Variants in FBXL13 observed in about 807,000 individuals in gnomAD.
FBXL13 encodes F-box and leucine-rich repeat protein 13.
FBXL13 carries 67 observed loss-of-function variants against 83.6 expected under a neutral mutation model. The ratio of observed to expected loss-of-function variants is 0.80; its 90% CI spans 0.66 to 0.98. The LOEUF (loss-of-function observed/expected upper bound fraction) is 0.98. Ranked by LOEUF, FBXL13 falls within the 50% of genes least tolerant of loss-of-function variation. FBXL13 has a pLI of 0.00. For synonymous variants in FBXL13, 272 were observed against 299.5 expected, an observed-to-expected ratio of 0.91 and a Z score of 0.95; for missense variants, 822 against 866.5, an observed-to-expected ratio of 0.95 and a Z score of 0.64.
chr7:102,822,775 T>C (rs916203079), intron 18 of FBXL13, among the ~76,000 whole-genome samples: 2 of 152,166 alleles, frequency 1.3e-5, no homozygotes, highest in Non-Finnish European at 2.9e-5. Context: ...GTAGCACCAA[T>C]AGAAATTATG....
At chr7:103,055,654 T>C (rs945918269) in exon 2 of FBXL13, 1 of 1,262,530 alleles carries the variant, frequency 7.9e-7, no homozygotes, top group African/African-American at 1.5e-5. Flanking sequence ...CAAAGAAGAT[T>C]CTGAAGACCA....
intron 14 of FBXL13, among the ~76,000 whole-genome samples, chr7:102,881,086 A>G (rs1809989206): frequency 6.6e-6 from 1 of 152,194 alleles, no homozygotes. Flanking sequence ...ACGGATCTGA[A>G]TATTTTTGGC....
rs184647050 is a variant in FBXL13 at position 102,977,877 on chromosome 7, C to T, written c.496-9760G>A. The stretch of plus-strand genomic sequence containing the variant: ...AAACCAAACACTGCATATTCTCACT[C>T]ATAGGTGGGAATTGAACAATGAGAA... On this transcript the variant is annotated intron_variant, in intron 6 of 19. Coordinates refer to ENST00000313221, the Ensembl canonical transcript of FBXL13. Among the ~76,000 whole-genome samples, 4 of 152,088 alleles carry T rather than the reference C, an allele frequency of 2.6e-5. No homozygotes were observed. In the East Asian group the frequency reaches 7.7e-4, roughly 29 times the overall value.
At chr7:102,906,383 A>G (rs1283912639) in intron 11 of FBXL13, among the ~76,000 whole-genome samples, 1 of 152,238 alleles carries the variant, frequency 6.6e-6, no homozygotes. Flanking sequence ...TTAGGATAAG[A>G]GTAGTTTACA....
intron 19 of FBXL13, among the ~76,000 whole-genome samples, chr7:102,820,382 A>G (rs1798634870): frequency 6.6e-6 from 1 of 152,250 alleles, no homozygotes; most frequent in South Asian, 2.1e-4. Flanking sequence ...TTTCACAGCT[A>G]TAGCTGGTTA....
At chr7:103,022,402 C>T (rs1373928696) in intron 6 of FBXL13, among the ~76,000 whole-genome samples, 1 of 151,922 alleles carries the variant, frequency 6.6e-6, no homozygotes, top group Non-Finnish European at 1.5e-5. Context: ...ATGCGTGCAG[C>T]ACACCAACAT....
At chr7:102,832,889 G>A (rs1016072100) in exon 18 of FBXL13, 26 of 1,614,196 alleles carry the variant, frequency 1.6e-5, no homozygotes, top group Non-Finnish European at 2.2e-5. Context: ...GCAGTAAATG[G>A]CCAGTGCTTT....
intron 16 of FBXL13, among the ~76,000 whole-genome samples, chr7:102,861,300 T>C (rs1806798131): frequency 1.3e-5 from 2 of 152,186 alleles, no homozygotes; most frequent in Admixed American, 1.3e-4. Context: ...CTTTTTTTCT[T>C]TAAATTTTTC....
At position 102,864,273 on chromosome 7, in the gene FBXL13, C is replaced by T. The variant is rs187655497; in HGVS notation, c.1636-9413G>A. Among the ~76,000 whole-genome samples the T allele has an allele frequency of 1.1e-3, 161 of 152,304 alleles. 1 individual carries two copies. Among genetic ancestry groups the T allele is most frequent in the African/African-American group, 3.8e-3 (159 of 41,568 alleles). On this transcript the variant is annotated intron_variant, in intron 16 of 19. Coordinates refer to ENST00000313221, the Ensembl canonical transcript of FBXL13. The stretch of plus-strand genomic sequence containing the variant: ...CCAACACATAACCCTCCTTATGCCT[C>T]CAGGCCTTATCATCTGCTTCTTCCT...
chr7:102,859,924 C>T (rs1217628717), intron 16 of FBXL13, among the ~76,000 whole-genome samples: 3 of 152,060 alleles, frequency 2.0e-5, no homozygotes, highest in Non-Finnish European at 4.4e-5. Context: ...ATGTGAGGCA[C>T]CAGAAATTCA....
intron 2 of FBXL13, among the ~76,000 whole-genome samples, chr7:103,047,571 G>C (rs575056829): frequency 1.3e-4 from 20 of 152,028 alleles, no homozygotes; most frequent in African/African-American, 4.8e-4. Flanking sequence ...GTTTTACTTG[G>C]GTTAGCAGTT....
intron 6 of FBXL13, among the ~76,000 whole-genome samples, chr7:102,969,142 C>T (rs772370975): frequency 1.3e-5 from 2 of 152,186 alleles, no homozygotes; most frequent in Non-Finnish European, 2.9e-5. Context: ...CACTCACTGA[C>T]TCATTCAGAG....
At chr7:102,919,504 A>G (rs946849853) in intron 10 of FBXL13, among the ~76,000 whole-genome samples, 3 of 152,224 alleles carry the variant, frequency 2.0e-5, no homozygotes, top group African/African-American at 7.2e-5. Context: ...AGGAAAAATT[A>G]ATTGAAGGAA....
intron 10 of FBXL13, among the ~76,000 whole-genome samples, chr7:102,920,279 T>A (rs1816726947): frequency 6.6e-6 from 1 of 152,220 alleles, no homozygotes; most frequent in Admixed American, 6.5e-5. Context: ...GTAAACATAG[T>A]TCACAGAGCA....
intron 10 of FBXL13, among the ~76,000 whole-genome samples, chr7:102,918,524 C>G (rs564071959): frequency 6.6e-6 from 1 of 152,224 alleles, no homozygotes; most frequent in Non-Finnish European, 1.5e-5. Flanking sequence ...GTGATATAAA[C>G]TACACCCTGG....
At chr7:103,049,617 G>A (rs28894762) in intron 2 of FBXL13, among the ~76,000 whole-genome samples, 1,813 of 152,244 alleles carry the variant, frequency 0.012, 35 homozygotes, top group African/African-American at 0.041. Flanking sequence ...TGGAGTCCTC[G>A]CAAGAACAGG....
At chr7:102,832,241 C>T (rs949808970) in intron 18 of FBXL13, among the ~76,000 whole-genome samples, 3 of 152,090 alleles carry the variant, frequency 2.0e-5, no homozygotes, top group African/African-American at 7.2e-5. Flanking sequence ...GAAAATAACA[C>T]AAAAGATGAT....
Position 102,854,793 on chromosome 7 carries a change from G to GTGATTCT in FBXL13, c.1696_1702dup (p.Thr568LysfsTer4). On this transcript the variant is annotated frameshift_variant, in exon 17 of 20. Transcript: ENST00000313221. LOFTEE classifies it high-confidence loss of function. Reference sequence around the variant, plus strand: ...TGATCTTACCTGAATTCCATCATCAGTGATTCTATAACATTCAGATACAGA... The same window carrying GTGATTCT: ...TGATCTTACCTGAATTCCATCATCAGTGATTCTTGATTCTATAACATTCAGATACAGA... The GTGATTCT allele has an allele frequency of 6.3e-7, 1 of 1,580,946 alleles. No individual in the cohort carries two copies. The highest frequency in any genetic ancestry group is 8.6e-7 in the Non-Finnish European group (1 of 1,159,850).
At chr7:103,019,258 AT>A (rs755091616) in intron 6 of FBXL13, among the ~76,000 whole-genome samples, 14 of 152,222 alleles carry the variant, frequency 9.2e-5, no homozygotes, top group Non-Finnish European at 1.5e-4. Context: ...AGAAACAAAG[AT>A]GTTCTTTGAA....
Sources: allele counts gnomAD v4.1 joint callset (sites outside exome capture counted in the v4.1 genomes callset), GRCh38; gene constraint gnomAD v4.1.1; transcripts MANE v1.5; gene names NCBI Gene and HGNC (gene_info 2026-07-23, HGNC 2026-07-21).